Variants in NRL observed in about 807,000 individuals in gnomAD.
NRL encodes the protein neural retina-specific leucine zipper protein.
NRL carries 16 observed loss-of-function variants against 12.5 expected under a neutral mutation model. The observed-to-expected ratio is 1.28, with a 90% CI of 0.87 to 1.95. The LOEUF (loss-of-function observed/expected upper bound fraction) is 1.95, where lower values mean the gene tolerates loss of function less well. Ranked by LOEUF, NRL falls within the 30% of genes most tolerant of loss-of-function variation. The pLI, the probability that NRL is intolerant of heterozygous loss-of-function variation, is 0.00. For synonymous variants in NRL, 142 were observed against 150.9 expected (o/e 0.94, Z 0.43); for missense variants, 314 against 325.8 (o/e 0.96, Z 0.28).
At position 24,081,631 on chromosome 14, in the gene NRL, C is replaced by T; in HGVS notation, c.382-63G>A. 1 of 1,542,562 alleles carries T rather than the reference C, an allele frequency of 6.5e-7. No individual in the cohort carries two copies. On this transcript the variant is annotated intron_variant, in intron 2 of 2. Transcript: ENST00000561028. The surrounding 1 kb of genome is among the most constrained non-coding windows in gnomAD (Gnocchi z 4.4). ...GTCGCACCCGGCTCTGCCCTGAGGG[C>T]CCGACGCTACCTGGCTCCGCCCCGG... is the stretch of plus-strand genomic sequence containing the variant.
intron 1 of NRL, among the ~76,000 whole-genome samples, chr14:24,090,031 G>A (rs1421254146): frequency 6.6e-6 from 1 of 152,060 alleles, no homozygotes; most frequent in Non-Finnish European, 1.5e-5. Flanking sequence ...TTAAGGGTTT[G>A]GGCTTTATTC....
intron 1 of NRL, among the ~76,000 whole-genome samples, chr14:24,104,338 A>C (rs2037289779): frequency 6.6e-6 from 1 of 151,984 alleles, no homozygotes; most frequent in South Asian, 2.1e-4. Flanking sequence ...TAAAAAAAAA[A>C]AAATGGTGAG....
chr14:24,098,798 G>C, intron 1 of NRL: 1 of 864,266 alleles, frequency 1.2e-6, no homozygotes, highest in South Asian at 1.5e-5. Flanking sequence ...TAATTCCCAA[G>C]ATCCAGAGCA....
chr14:24,088,487 C>T (rs1221914592), intron 1 of NRL, among the ~76,000 whole-genome samples: 2 of 152,230 alleles, frequency 1.3e-5, no homozygotes, highest in Non-Finnish European at 2.9e-5. Context: ...AAAACTACAT[C>T]CCCCTACACC....
At chr14:24,103,021 A>C in intron 1 of NRL, 1 of 1,241,804 alleles carries the variant, frequency 8.1e-7, no homozygotes, top group East Asian at 2.3e-5. Context: ...GGTGAATGCA[A>C]ACTTGGGAGG....
At chr14:24,096,999 A>AT (rs1244744724) in intron 1 of NRL, 1 of 1,613,460 alleles carries the variant, frequency 6.2e-7, no homozygotes, top group Admixed American at 1.7e-5. Flanking sequence ...GGCATTCGAG[A>AT]TTTTGTAGAG....
In NRL at chr14:24,082,785, C is replaced by G. The variant is rs752230175; in HGVS notation, c.64G>C (p.Glu22Gln). 1.2e-6 allele frequency: 2 copies of G among 1,614,178 alleles called. No individual in the cohort carries two copies. Among genetic ancestry groups the G allele is most frequent in the South Asian group, 2.2e-5 (2 of 91,080 alleles). ...YVNDFDLMKF[E>Q]VKREPSEGRP... ...CCCTCAGAGGGTTCCCGCTTTACCT[C>G]AAACTTCATCAAGTCAAAGTCATTG... is the stretch of plus-strand genomic sequence containing the variant. The change falls in exon 2 of 3, where the codon GAG becomes CAG. Residue 22 changes from glutamate (E) to glutamine (Q), a missense_variant. Physicochemically the swap from Glu to Gln is conservative, Grantham distance 29. Coordinates refer to ENST00000561028, the MANE Select transcript of NRL (RefSeq NM_001354768.3).
chr14:24,100,376 C>G (rs2037114780), intron 1 of NRL: 1 of 1,401,834 alleles, frequency 7.1e-7, no homozygotes, highest in African/African-American at 1.4e-5. Flanking sequence ...AGTTCATGTC[C>G]CAACTCCACC....
chr14:24,083,017 A>C, intron 1 of NRL, 142 bp from the exon 2 acceptor site: 1 of 767,182 alleles, frequency 1.3e-6, no homozygotes, highest in East Asian at 2.7e-5. Flanking sequence ...TGTTCACTGC[A>C]GAGTCCCCAC....
At chr14:24,111,472 C>G (rs1490722435) in intron 1 of NRL, among the ~76,000 whole-genome samples, 1 of 151,930 alleles carries the variant, frequency 6.6e-6, no homozygotes, top group African/African-American at 2.4e-5. Flanking sequence ...CTCCCGGGTT[C>G]AAGCGATTCT....
In NRL at chr14:24,094,831, G is replaced by A. The variant is rs1178785285; in HGVS notation, c.-27-11956C>T. 13 of 1,324,444 alleles carry A rather than the reference G, an allele frequency of 9.8e-6. 1 individual carries two copies. The highest frequency in any genetic ancestry group is 4.9e-5 in the South Asian group (4 of 81,312). The allele number at this position is 1,324,444 out of a possible 1,614,324, so 82.0% of individuals were successfully genotyped here. On this transcript the variant is annotated intron_variant, in intron 1 of 2. Coordinates refer to ENST00000561028, the MANE Select transcript of NRL (RefSeq NM_001354768.3). The surrounding 1 kb of genome is among the most constrained non-coding windows in gnomAD (Gnocchi z 4.1). Reference sequence around the variant, plus strand: ...CCAGGGTACTTCGAGAGGCAGCAGGGCCCTGGGGACAAGGGTACGTGAGCC... The same window carrying A: ...CCAGGGTACTTCGAGAGGCAGCAGGACCCTGGGGACAAGGGTACGTGAGCC...
In NRL at chr14:24,094,087, AAGTCGGGGG is replaced by A. The variant is rs1413219790; in HGVS notation, c.-27-11221_-27-11213del. Reference sequence around the variant, plus strand: ...GTGGCGGATGGGGGGCGGGGCCTCGAAGTCGGGGGCCGAAGAGTGGACCCAGTCCTCCAA... The same window carrying A: ...GTGGCGGATGGGGGGCGGGGCCTCGACCGAAGAGTGGACCCAGTCCTCCAA... On this transcript the variant is annotated intron_variant, in intron 1 of 2. Transcript: ENST00000561028. The surrounding 1 kb of genome is among the most constrained non-coding windows in gnomAD (Gnocchi z 4.1). The A allele has an allele frequency of 1.9e-6, 1 of 533,566 alleles. No homozygotes were observed. The highest frequency in any genetic ancestry group is 2.0e-5 in the African/African-American group (1 of 49,372). 33.1% of individuals were successfully genotyped at this position (533,566 alleles called of 1,614,324 possible).
At position 24,081,208 on chromosome 14, in the gene NRL, CA is replaced by C; in HGVS notation, c.*27del. ...GGGCGGAGCCACCCCACCCAGCCCC[CA>C]CTACACCACAAGGTGCTCTGAACGG... On this transcript the variant is annotated 3_prime_UTR_variant, in exon 3 of 3. Transcript: ENST00000561028. The surrounding 1 kb of genome is among the most constrained non-coding windows in gnomAD (Gnocchi z 4.4). The C allele has an allele frequency of 7.1e-7, 1 of 1,411,450 alleles. No homozygotes were observed. Among genetic ancestry groups the C allele is most frequent in the Non-Finnish European group, 9.3e-7 (1 of 1,074,338 alleles). The allele number at this position is 1,411,450 out of a possible 1,614,324, so 87.4% of individuals were successfully genotyped here.
chr14:24,097,337 T>C (rs1036413378), intron 1 of NRL, among the ~76,000 whole-genome samples: 2 of 149,014 alleles, frequency 1.3e-5, no homozygotes, highest in Non-Finnish European at 3.0e-5. Flanking sequence ...GATCACCAGG[T>C]GTCGGGAGTT....
intron 2 of NRL, chr14:24,082,033 T>C (rs1228016221): frequency 2.5e-6 from 3 of 1,198,254 alleles, no homozygotes; most frequent in Admixed American, 4.2e-5. Context: ...CTGTAATTAA[T>C]AGGATGAGTC....
Position 24,081,788 on chromosome 14 carries a change from C to A in NRL, c.382-220G>T. ...CTGACCGTTGCTCCAGTCAGGCGGG[C>A]GCCCCACGGTGCAGGGCCGGCCACG... On this transcript the variant is annotated intron_variant, in intron 2 of 2. Coordinates refer to ENST00000561028, the MANE Select transcript of NRL (RefSeq NM_001354768.3). This position sits in a 1 kb window ranked among gnomAD's most constrained non-coding sequence, Gnocchi z 4.4. 6.6e-7 allele frequency: 1 copy of A among 1,514,176 alleles called. No individual in the cohort carries two copies. 93.8% of individuals were successfully genotyped at this position (1,514,176 alleles called of 1,614,324 possible).
chr14:24,097,468 G>A lies in NRL; in HGVS notation c.-27-14593C>T, dbSNP rs559115901. Among the ~76,000 whole-genome samples, 8 of 151,674 alleles carry A rather than the reference G, an allele frequency of 5.3e-5. 1 individual carries two copies. The highest frequency in any genetic ancestry group is 4.2e-4 in the South Asian group (2 of 4,806). ...AATCCCAGCTACTTGGGAGGGTGAG[G>A]CAGGAGAATCACTTAAACCCAAGAG... On this transcript the variant is annotated intron_variant, in intron 1 of 2. Transcript: ENST00000561028.
intron 1 of NRL, among the ~76,000 whole-genome samples, chr14:24,107,665 C>T (rs938520471): frequency 2.0e-5 from 3 of 152,014 alleles, no homozygotes; most frequent in Non-Finnish European, 4.4e-5. Flanking sequence ...CTACAGATTC[C>T]CCCTCCATTC....
chr14:24,099,303 C>A, intron 1 of NRL: 1 of 1,447,292 alleles, frequency 6.9e-7, no homozygotes, highest in Non-Finnish European at 9.4e-7. Flanking sequence ...GGCCAGTCTG[C>A]CTCAGCCTCA....
Sources: gnomAD v4.1 joint callset for allele counts (sites outside exome capture counted in the v4.1 genomes callset) on GRCh38, gnomAD v4.1.1 for gene constraint, Gnocchi (gnomAD v3.1) non-coding constraint, MANE v1.5 for transcripts, NCBI Gene and HGNC (gene_info 2026-07-23, HGNC 2026-07-21) for gene names.